Variants in KIF15 observed in about 807,000 individuals in gnomAD.
KIF15 encodes kinesin-like protein KIF15.
KIF15 carries 140 observed loss-of-function variants against 190.6 expected under a neutral mutation model. That is an observed-to-expected ratio of 0.73 (90% CI 0.64 to 0.84). The LOEUF is 0.84. KIF15 is among the 40% of genes least tolerant of loss of function. The pLI, the probability that KIF15 is intolerant of heterozygous loss-of-function variation, is 0.00. For missense variants in KIF15, 1,372 were observed against 1,584.4 expected (o/e 0.87, Z 2.28); for synonymous variants, 528 against 551.3 (o/e 0.96, Z 0.59).
chr3:44,859,147 G>T (rs1699215384), intron 6 of KIF15, among the ~76,000 whole-genome samples: 1 of 152,230 alleles, frequency 6.6e-6, no homozygotes, highest in Non-Finnish European at 1.5e-5. Context: ...CTTTAAGCAA[G>T]CTCCTGTGGG....
At position 44,775,406 on chromosome 3, in the gene KIF15, T is replaced by C. The variant is rs1201182916; in HGVS notation, c.215T>C (p.Phe72Ser). The change falls in exon 3 of 35, where the codon TTT becomes TCT. Residue 72 changes from phenylalanine (F) to serine (S), a missense_variant. By Grantham distance (155) the Phe-to-Ser change is radical. Coordinates refer to ENST00000326047, the MANE Select transcript of KIF15 (RefSeq NM_020242.3). ...HSNPEPKTFT[F>S]DHVADVDTTQ... ...AACCCTGAGCCCAAGACCTTCACGT[T>C]TGATCATGTTGCAGATGTGGATACC... The C allele has an allele frequency of 1.2e-5, 20 of 1,612,978 alleles. No homozygotes were observed. The highest frequency in any genetic ancestry group is 1.6e-5 in the Non-Finnish European group (19 of 1,179,670).
intron 7 of KIF15, among the ~76,000 whole-genome samples, chr3:44,793,166 T>C (rs889910880): frequency 6.6e-6 from 1 of 152,172 alleles, no homozygotes; most frequent in Non-Finnish European, 1.5e-5. Context: ...ATTCCCATTT[T>C]ACAAATATGA....
At chr3:44,791,744 G>A (rs906968603) in intron 7 of KIF15, among the ~76,000 whole-genome samples, 2 of 152,122 alleles carry the variant, frequency 1.3e-5, no homozygotes, top group African/African-American at 4.8e-5. Flanking sequence ...TGGAGACCAA[G>A]TCTCGCTGTT....
In KIF15 at chr3:44,814,896, TTC is replaced by T. The variant is rs1707956452; in HGVS notation, c.2384-13_2384-12del. ...TTAAGAAACCTACTGAGGATATGTT[TTC>T]TTTGTTTTTTAGTTTTGAAAAGTGA... On this transcript the variant is annotated splice_polypyrimidine_tract_variant and intron_variant, in intron 19 of 34. Coordinates refer to ENST00000326047, the MANE Select transcript of KIF15 (RefSeq NM_020242.3). The T allele has an allele frequency of 3.2e-6, 5 of 1,570,514 alleles. No homozygotes were observed. The highest frequency in any genetic ancestry group is 4.3e-6 in the Non-Finnish European group (5 of 1,162,824).
chr3:44,806,381 A>T (rs971066944), intron 16 of KIF15, among the ~76,000 whole-genome samples: 5 of 152,174 alleles, frequency 3.3e-5, no homozygotes, highest in Admixed American at 6.5e-5. Flanking sequence ...ACTACAATAT[A>T]ACATGTCCTC....
downstream of KIF15, among the ~76,000 whole-genome samples, chr3:44,856,642 A>G (rs1374418718): frequency 6.6e-6 from 1 of 152,168 alleles, no homozygotes; most frequent in Admixed American, 6.5e-5. Context: ...TTGGAAGGCT[A>G]GGTGCTTCTT....
chr3:44,845,255 G>T (rs1435345751), intron 30 of KIF15, among the ~76,000 whole-genome samples: 1 of 152,188 alleles, frequency 6.6e-6, no homozygotes, highest in Admixed American at 6.5e-5. Context: ...AACTTTGGTG[G>T]TGGTCATGGA....
chr3:44,826,511 C>A, intron 22 of KIF15, 51 bp downstream of exon 22: 1 of 1,229,838 alleles, frequency 8.1e-7, no homozygotes, highest in Non-Finnish European at 1.2e-6. Flanking sequence ...TGTTTAATAC[C>A]ACATTCTTAA....
chr3:44,841,353 C>T, intron 29 of KIF15, 115 bp downstream of exon 29: 2 of 664,312 alleles, frequency 3.0e-6, no homozygotes, highest in Admixed American at 3.1e-5. Flanking sequence ...GTATCTGGCA[C>T]TATAGGTATA....
At chr3:44,853,886 A>G (rs1314477936), downstream of KIF15, among the ~76,000 whole-genome samples, 4 of 152,258 alleles carry the variant, frequency 2.6e-5, no homozygotes, top group African/African-American at 9.6e-5. Context: ...AAGAAAAACC[A>G]AACCCAAAAG....
At chr3:44,820,630 G>A (rs2125676177) in intron 20 of KIF15, among the ~76,000 whole-genome samples, 1 of 152,176 alleles carries the variant, frequency 6.6e-6, no homozygotes, top group South Asian at 2.1e-4. Context: ...AACCCTGAGT[G>A]GACACAGCAC....
At chr3:44,779,942 C>G (rs961013602) in intron 4 of KIF15, among the ~76,000 whole-genome samples, 1 of 151,086 alleles carries the variant, frequency 6.6e-6, no homozygotes, top group African/African-American at 2.4e-5. Context: ...GGGTAAAAAA[C>G]TATAGCATAC....
chr3:44,790,343 A>C (rs1408181590), intron 7 of KIF15, among the ~76,000 whole-genome samples: 1 of 151,776 alleles, frequency 6.6e-6, no homozygotes, highest in African/African-American at 2.4e-5. Flanking sequence ...ACACCCGGCT[A>C]AATTTTTGTA....
At chr3:44,821,522 G>A (rs79400307) in intron 20 of KIF15, among the ~76,000 whole-genome samples, 2 of 151,972 alleles carry the variant, frequency 1.3e-5, no homozygotes, top group East Asian at 2.0e-4. Flanking sequence ...CATCTCAGAC[G>A]ATGAGTGGCC....
intron 20 of KIF15, among the ~76,000 whole-genome samples, chr3:44,818,424 T>G (rs1708121008): frequency 6.6e-6 from 1 of 152,118 alleles, no homozygotes; most frequent in Non-Finnish European, 1.5e-5. Flanking sequence ...TCCATCAATA[T>G]CTAGTTTATT....
intron 20 of KIF15, among the ~76,000 whole-genome samples, chr3:44,825,667 A>G (rs943848259): frequency 1.3e-5 from 2 of 152,272 alleles, no homozygotes; most frequent in African/African-American, 4.8e-5. Flanking sequence ...AAACTTGGAA[A>G]TTAACAGCCA....
chr3:44,833,009 C>A (rs1340717885), intron 26 of KIF15, among the ~76,000 whole-genome samples: 115 of 85,116 alleles, frequency 1.4e-3, no homozygotes, highest in African/African-American at 3.3e-3. Flanking sequence ...GACTCCATCT[C>A]AAAAAAAAAA....
At chr3:44,775,139 G>A in intron 2 of KIF15, 115 bp from the exon 3 acceptor site, 1 of 801,824 alleles carries the variant, frequency 1.2e-6, no homozygotes, top group Non-Finnish European at 2.0e-6. Flanking sequence ...GATATGTCTT[G>A]GGCTTTGTTG....
At chr3:44,864,936 C>T in intron 6 of KIF15, 1 of 1,492,094 alleles carries the variant, frequency 6.7e-7, no homozygotes, top group Non-Finnish European at 9.1e-7. Flanking sequence ...CTTCTGGCTC[C>T]AGACCTTTCC....
Sources: gnomAD v4.1 joint callset for allele counts (sites outside exome capture counted in the v4.1 genomes callset) on GRCh38, gnomAD v4.1.1 for gene constraint, MANE v1.5 for transcripts, NCBI Gene and HGNC (gene_info 2026-07-23, HGNC 2026-07-21) for gene names.